Variants in ASTN2 observed in about 807,000 individuals in gnomAD.
The protein encoded by ASTN2 is astrotactin-2.
A neutral mutation model predicts 139.8 loss-of-function variants in ASTN2; 54 were observed. The ratio of observed to expected loss-of-function variants is 0.39; its 90% confidence interval spans 0.31 to 0.48. The LOEUF (loss-of-function observed/expected upper bound fraction) is 0.48, where lower values mean the gene tolerates loss of function less well. Among genes scored for constraint, ASTN2 ranks in the 20% least tolerant of loss-of-function variants. The probability of loss-of-function intolerance (pLI) is 0.95; values close to 1 mark genes in which losing one functional copy is unlikely to be tolerated. For synonymous variants in ASTN2, 756 were observed against 719.5 expected, an observed-to-expected ratio of 1.05 and a Z score of -0.81; for missense variants, 1,565 against 1,725.1, an observed-to-expected ratio of 0.91 and a Z score of 1.64.
chr9:117,125,570 C>G (rs80033822), intron 4 of ASTN2, among the ~76,000 whole-genome samples: 3,639 of 152,262 alleles, frequency 0.024, 65 homozygotes, highest in Non-Finnish European at 0.039. Context: ...TTTTACAAAG[C>G]CTTTTGGAGT....
At chr9:116,950,592 C>T (rs770158236) in intron 10 of ASTN2, among the ~76,000 whole-genome samples, 1 of 152,146 alleles carries the variant, frequency 6.6e-6, no homozygotes, top group Non-Finnish European at 1.5e-5. Context: ...AAGTTTGTCA[C>T]GGGAAGTTAC....
At chr9:116,558,338 C>T (rs995301026) in intron 19 of ASTN2, among the ~76,000 whole-genome samples, 1 of 151,934 alleles carries the variant, frequency 6.6e-6, no homozygotes, top group South Asian at 2.1e-4. Flanking sequence ...CTCTCCATAC[C>T]TCTGCAAGAC....
At chr9:117,283,969 G>T (rs1387322377) in intron 2 of ASTN2, among the ~76,000 whole-genome samples, 1 of 151,712 alleles carries the variant, frequency 6.6e-6, no homozygotes, top group African/African-American at 2.4e-5. Flanking sequence ...ATTTTCAATG[G>T]CAAAAACCAC....
At chr9:117,210,802 T>C (rs1020334789) in intron 3 of ASTN2, among the ~76,000 whole-genome samples, 6 of 151,368 alleles carry the variant, frequency 4.0e-5, no homozygotes, top group African/African-American at 1.5e-4. Context: ...TATGCAAAAA[T>C]CCTCAAAGTA....
At chr9:116,803,504 ATATATATATATATATATAT>A (rs1347378933) in intron 13 of ASTN2, among the ~76,000 whole-genome samples, 148 of 6,938 alleles carry the variant, frequency 0.021, 1 homozygote, top group African/African-American at 0.094. Flanking sequence ...ATATATATAT[ATATATATATATATATATAT>A]TTTTTTTTTT....
chr9:116,844,117 T>C (rs1369617982), intron 11 of ASTN2, among the ~76,000 whole-genome samples: 1 of 152,194 alleles, frequency 6.6e-6, no homozygotes, highest in African/African-American at 2.4e-5. Context: ...GTCCTGTTTT[T>C]CCTGTTCTAA....
intron 3 of ASTN2, among the ~76,000 whole-genome samples, chr9:117,173,504 A>G (rs1207865061): frequency 6.6e-6 from 1 of 152,154 alleles, no homozygotes; most frequent in Non-Finnish European, 1.5e-5. Flanking sequence ...GTACAAAGTA[A>G]ACCTAACAAA....
In ASTN2 at chr9:116,698,058, C is replaced by T. The variant is rs1390593037; in HGVS notation, c.2806+27713G>A. On this transcript the variant is annotated intron_variant, in intron 16 of 22. Transcript: ENST00000313400. This position sits in a 1 kb window ranked among gnomAD's most constrained non-coding sequence, Gnocchi z 4.4. ...GCTCATGTGTCGGTCCTGTGGGCGG[C>T]GTCTGCCCCGGCAATTCTGCCGGAG... 9.3e-6 allele frequency: 15 copies of T among 1,613,886 alleles called. No individual in the cohort carries two copies. The South Asian group carries it at 1.1e-4, about 12-fold the overall frequency.
intron 1 of ASTN2, among the ~76,000 whole-genome samples, chr9:117,379,582 A>C (rs1458910526): frequency 2.6e-5 from 4 of 152,226 alleles, no homozygotes; most frequent in Non-Finnish European, 5.9e-5. Context: ...ATGTAATTGA[A>C]GTAAACAAAC....
intron 19 of ASTN2, among the ~76,000 whole-genome samples, chr9:116,490,872 G>A (rs1055917325): frequency 6.6e-6 from 1 of 152,168 alleles, no homozygotes; most frequent in Non-Finnish European, 1.5e-5. Context: ...CCATATCAAT[G>A]AAGGAACTCA....
chr9:116,990,046 G>A (rs1198927814), intron 7 of ASTN2, among the ~76,000 whole-genome samples: 1 of 151,946 alleles, frequency 6.6e-6, no homozygotes, highest in African/African-American at 2.4e-5. Context: ...AGAATGCTCT[G>A]CAGTAAAAAT....
chr9:116,765,843 G>A (rs1829792688), intron 13 of ASTN2, among the ~76,000 whole-genome samples: 2 of 152,128 alleles, frequency 1.3e-5, no homozygotes, highest in Admixed American at 6.5e-5. Flanking sequence ...ACTAAAATAT[G>A]AAGGTGGTCA....
At chr9:116,610,227 A>G (rs542203226) in intron 19 of ASTN2, among the ~76,000 whole-genome samples, 3 of 152,220 alleles carry the variant, frequency 2.0e-5, no homozygotes, top group Non-Finnish European at 4.4e-5. Context: ...AAAGTTAATA[A>G]TGCCAGCTTG....
chr9:117,142,695 G>A (rs1415132380), intron 3 of ASTN2, among the ~76,000 whole-genome samples: 1 of 151,662 alleles, frequency 6.6e-6, no homozygotes, highest in Non-Finnish European at 1.5e-5. Context: ...GAAGATAAAA[G>A]GAAAAAAATA....
chr9:116,557,760 A>C (rs1250588464), intron 19 of ASTN2: 1 of 152,232 alleles, frequency 6.6e-6, no homozygotes, highest in Non-Finnish European at 1.5e-5. Context: ...TAAAGAATGT[A>C]ATATCTTCTG....
chr9:116,548,106 C>CTGTT (rs10671101), intron 19 of ASTN2, among the ~76,000 whole-genome samples: 87,357 of 151,624 alleles, frequency 0.58, 25,517 homozygotes, highest in African/African-American at 0.66. Flanking sequence ...CCAAAGCACT[C>CTGTT]TGTTTTCTAA....
Position 117,039,251 on chromosome 9 carries a change from A to G in ASTN2, c.1423+568T>C, listed in dbSNP as rs1838483364. On this transcript the variant is annotated intron_variant, in intron 6 of 22. Transcript: ENST00000313400. ...ACACCATGGAATACTATGAAGCCAT[A>G]AAAAGGAATGAGTTCATGTCCTTTG... is the stretch of plus-strand genomic sequence containing the variant. Among the ~76,000 whole-genome samples, 4 of 152,188 alleles carry G rather than the reference A, an allele frequency of 2.6e-5. No homozygotes were observed. In the South Asian group the frequency reaches 8.3e-4, roughly 32 times the overall value.
At chr9:117,090,809 G>GTCCT (rs1297275609) in intron 5 of ASTN2, among the ~76,000 whole-genome samples, 2 of 152,206 alleles carry the variant, frequency 1.3e-5, no homozygotes, top group East Asian at 3.9e-4. Context: ...TCTAATGCCA[G>GTCCT]TCCTATTTCT....
intron 11 of ASTN2, among the ~76,000 whole-genome samples, chr9:116,845,583 A>G (rs1832404777): frequency 6.6e-6 from 1 of 152,188 alleles, no homozygotes; most frequent in African/African-American, 2.4e-5. Flanking sequence ...TTGAATAGAC[A>G]TTTCTCTAAA....
Sources: allele counts gnomAD v4.1 joint callset (sites outside exome capture counted in the v4.1 genomes callset), GRCh38; gene constraint gnomAD v4.1.1; non-coding constraint Gnocchi (gnomAD v3.1); transcripts MANE v1.5; gene names NCBI Gene and HGNC (gene_info 2026-07-23, HGNC 2026-07-21).